AGBL1: variants seen among roughly 807,000 people sequenced by gnomAD.
AGBL1 encodes cytosolic carboxypeptidase 4.
In AGBL1, 130 loss-of-function variants were observed where a neutral mutation model predicts 118.9. The ratio of observed to expected loss-of-function variants is 1.09; its 90% CI spans 0.95 to 1.26. The LOEUF is 1.26. AGBL1 is among the 50% of genes most tolerant of loss of function. The pLI is 0.00. For synonymous variants in AGBL1, 555 were observed against 478.9 expected (o/e 1.16, Z -2.08); for missense variants, 1,584 against 1,298.1 (o/e 1.22, Z -3.38).
chr15:86,228,731 G>A (rs1034753306), intron 6 of AGBL1, among the ~76,000 whole-genome samples: 9 of 152,230 alleles, frequency 5.9e-5, no homozygotes, highest in African/African-American at 9.6e-5. Context: ...ATCAAGTAGT[G>A]ACTGCATGAA....
At chr15:87,000,028 TG>T (rs2081420438) in intron 24 of AGBL1, among the ~76,000 whole-genome samples, 1 of 86,696 alleles carries the variant, frequency 1.2e-5, no homozygotes, top group Non-Finnish European at 2.7e-5. Context: ...ATGTCTTCTT[TG>T]GAGAAGTGTC....
intron 17 of AGBL1, among the ~76,000 whole-genome samples, chr15:86,361,023 T>C (rs2080797589): frequency 7.2e-6 from 1 of 139,584 alleles, no homozygotes; most frequent in African/African-American, 2.5e-5. Context: ...AATTTTGATC[T>C]TTTTTAAAAA....
chr15:86,653,652 C>T (rs1000711054), intron 21 of AGBL1, among the ~76,000 whole-genome samples: 1 of 152,160 alleles, frequency 6.6e-6, no homozygotes, highest in Non-Finnish European at 1.5e-5. Context: ...ATGCCATCCC[C>T]CTAGTGACCA....
At chr15:86,882,255 G>A (rs1225928214) in intron 22 of AGBL1, among the ~76,000 whole-genome samples, 1 of 152,144 alleles carries the variant, frequency 6.6e-6, no homozygotes, top group Non-Finnish European at 1.5e-5. Context: ...AATAAGTGGG[G>A]TGGTATCCAA....
rs190230850 is a variant in AGBL1 at position 86,859,060 on chromosome 15, A to G, written c.3159-48027A>G. Among the ~76,000 whole-genome samples the G allele has an allele frequency of 2.5e-3, 379 of 152,324 alleles. 2 individuals carry two copies. The highest frequency in any genetic ancestry group is 8.6e-3 in the African/African-American group (359 of 41,566). Reference sequence around the variant, plus strand: ...TCAACTGCTGCCCAAGCTCAGCACTAGCCTGTTTTGCTGTGCTGCTGTTAT... The same window carrying G: ...TCAACTGCTGCCCAAGCTCAGCACTGGCCTGTTTTGCTGTGCTGCTGTTAT... On this transcript the variant is annotated intron_variant, in intron 22 of 22. Coordinates refer to ENST00000614907, the MANE Select transcript of AGBL1 (RefSeq NM_001386094.1).
At chr15:86,153,194 A>G (rs545722724) in intron 3 of AGBL1, among the ~76,000 whole-genome samples, 2 of 152,226 alleles carry the variant, frequency 1.3e-5, no homozygotes, top group Non-Finnish European at 2.9e-5. Context: ...TCATGCTACT[A>G]TAAAGATACA....
intron 22 of AGBL1, among the ~76,000 whole-genome samples, chr15:86,846,119 T>G (rs1487437659): frequency 6.6e-6 from 1 of 152,212 alleles, no homozygotes; most frequent in Non-Finnish European, 1.5e-5. Context: ...CCTTTTTGTC[T>G]CTTCATGTGG....
At chr15:86,401,151 G>A (rs1217982923) in intron 18 of AGBL1, among the ~76,000 whole-genome samples, 1 of 152,012 alleles carries the variant, frequency 6.6e-6, no homozygotes, top group Non-Finnish European at 1.5e-5. Context: ...TATGACAATT[G>A]TTGCAGAAGT....
At chr15:86,674,239 C>G (rs758542890) in intron 21 of AGBL1, 34 bp from the exon 22 acceptor site, 1 of 1,578,718 alleles carries the variant, frequency 6.3e-7, no homozygotes, top group Non-Finnish European at 8.6e-7. Flanking sequence ...TCCCATTATA[C>G]GTTGCCACAG....
chr15:86,918,641 T>A (rs988267749), downstream of AGBL1, among the ~76,000 whole-genome samples: 2 of 152,180 alleles, frequency 1.3e-5, no homozygotes, highest in Non-Finnish European at 1.5e-5. Context: ...AATTTAAATT[T>A]TGCTCAGCTT....
chr15:86,242,256 T>C (rs1417690228), intron 6 of AGBL1, among the ~76,000 whole-genome samples: 2 of 151,928 alleles, frequency 1.3e-5, no homozygotes, highest in African/African-American at 4.8e-5. Context: ...TCCGTAGCAA[T>C]AGAGAGCCAT....
intron 16 of AGBL1, among the ~76,000 whole-genome samples, chr15:86,282,024 C>T (rs8026683): frequency 6.6e-6 from 1 of 151,948 alleles, no homozygotes; most frequent in Non-Finnish European, 1.5e-5. Context: ...GGTGCCTACA[C>T]ACTGATTCAA....
At chr15:86,499,873 A>G (rs1043804695) in intron 18 of AGBL1, among the ~76,000 whole-genome samples, 2 of 151,894 alleles carry the variant, frequency 1.3e-5, no homozygotes, top group African/African-American at 4.8e-5. Flanking sequence ...ATATAAATGA[A>G]GGGAGCAGGG....
intron 23 of AGBL1, among the ~76,000 whole-genome samples, chr15:86,950,919 C>A (rs969760181): frequency 6.6e-6 from 1 of 152,060 alleles, no homozygotes; most frequent in African/African-American, 2.4e-5. Flanking sequence ...AATAAAAACA[C>A]TATATGAAAC....
At chr15:86,364,665 T>G (rs1490002622) in intron 17 of AGBL1, among the ~76,000 whole-genome samples, 1 of 152,156 alleles carries the variant, frequency 6.6e-6, no homozygotes, top group Non-Finnish European at 1.5e-5. Flanking sequence ...TACAACTGTA[T>G]TTATTTCTTA....
intron 22 of AGBL1, among the ~76,000 whole-genome samples, chr15:86,680,523 G>A (rs1009458099): frequency 1.6e-5 from 2 of 127,622 alleles, no homozygotes; most frequent in Non-Finnish European, 3.5e-5. Context: ...TATGCACCCT[G>A]TTTTTTCTTT....
At chr15:87,010,710 T>C (rs1483204459) in intron 24 of AGBL1, among the ~76,000 whole-genome samples, 1 of 152,228 alleles carries the variant, frequency 6.6e-6, no homozygotes, top group Non-Finnish European at 1.5e-5. Context: ...AGACTTGGAC[T>C]AAGCTATGCT....
chr15:86,981,068 G>A (rs1377231969), intron 23 of AGBL1, among the ~76,000 whole-genome samples: 1 of 151,830 alleles, frequency 6.6e-6, no homozygotes, highest in Non-Finnish European at 1.5e-5. Context: ...TGTATTTTCA[G>A]TAGAGACAGG....
At chr15:86,163,975 G>A (rs964268879) in intron 5 of AGBL1, among the ~76,000 whole-genome samples, 1 of 152,196 alleles carries the variant, frequency 6.6e-6, no homozygotes, top group Non-Finnish European at 1.5e-5. Flanking sequence ...TCTATTGCAT[G>A]AGGGAATGAG....
Sources: allele counts gnomAD v4.1 joint callset (sites outside exome capture counted in the v4.1 genomes callset), GRCh38; gene constraint gnomAD v4.1.1; transcripts MANE v1.5; gene names NCBI Gene and HGNC (gene_info 2026-07-23, HGNC 2026-07-21).